HDAC9: variants seen among roughly 807,000 people sequenced by gnomAD.
HDAC9 encodes histone deacetylase 9.
Under a neutral mutation model 139.4 loss-of-function variants are expected in HDAC9, and 41 were observed. The observed-to-expected ratio is 0.29, with a 90% CI of 0.23 to 0.38. The LOEUF (loss-of-function observed/expected upper bound fraction) is 0.38. HDAC9 is among the 10% of genes least tolerant of loss of function. The pLI is 1.00. For synonymous variants in HDAC9, 517 were observed against 476.2 expected, an observed-to-expected ratio of 1.09 and a Z score of -1.12; for missense variants, 1,147 against 1,297.0, an observed-to-expected ratio of 0.88 and a Z score of 1.78.
At position 18,846,994 on chromosome 7, in the gene HDAC9, C is replaced by T. The variant is rs189649510; in HGVS notation, c.2684+10997C>T. Among the ~76,000 whole-genome samples the T allele has an allele frequency of 1.2e-3, 181 of 152,232 alleles. 1 individual carries two copies. The highest frequency in any genetic ancestry group is 1.2e-3 in the South Asian group (6 of 4,818). On this transcript the variant is annotated intron_variant, in intron 21 of 25. Coordinates refer to ENST00000686413, the MANE Select transcript of HDAC9 (RefSeq NM_178425.4). ...ATTCAAACCAGAACTGAGCTAGGCC[C>T]GTTTCTCAGTGACTTTGATATTGTT...
chr7:18,178,492 G>A (rs879378768), intron 2 of HDAC9, among the ~76,000 whole-genome samples: 9 of 152,188 alleles, frequency 5.9e-5, no homozygotes, highest in Non-Finnish European at 8.8e-5. Flanking sequence ...TAAATGTGGG[G>A]AAGTTGCTAA....
At chr7:18,726,772 C>T (rs1363482050) in intron 12 of HDAC9, among the ~76,000 whole-genome samples, 3 of 150,884 alleles carry the variant, frequency 2.0e-5, no homozygotes, top group African/African-American at 7.3e-5. Flanking sequence ...GAAATACATA[C>T]CTTTTTTTGC....
At chr7:18,496,562 A>G in intron 2 of HDAC9, 1 of 515,070 alleles carries the variant, frequency 1.9e-6, no homozygotes, top group Non-Finnish European at 3.4e-6. Flanking sequence ...GCTTCTGATG[A>G]AAGATGAGAC....
At chr7:18,098,691 C>G (rs901639078) in intron 1 of HDAC9, among the ~76,000 whole-genome samples, 1 of 152,168 alleles carries the variant, frequency 6.6e-6, no homozygotes, top group Non-Finnish European at 1.5e-5. Flanking sequence ...ACCTTTCCCT[C>G]ATTACCCCAA....
chr7:18,415,867 T>C (rs897023338), intron 1 of HDAC9, among the ~76,000 whole-genome samples: 4 of 152,222 alleles, frequency 2.6e-5, no homozygotes, highest in Admixed American at 1.3e-4. Flanking sequence ...CTCTTTTTTT[T>C]AGTTATAGGG....
chr7:18,485,796 G>A lies in HDAC9; in HGVS notation c.-41-10466G>A, dbSNP rs73060394. Among the ~76,000 whole-genome samples, 1,233 of 152,126 alleles carry A rather than the reference G, an allele frequency of 8.1e-3. 15 individuals are homozygous for A. Among genetic ancestry groups the A allele is most frequent in the Non-Finnish European group, 0.015 (1,006 of 68,002 alleles). On this transcript the variant is annotated intron_variant, in intron 1 of 3. Transcript: ENST00000413509. ...TTGTGACTCAGAAAGGCTAAGTAAC[G>A]TATCCAAGTTGTACAGTCCTGCATA... is the stretch of plus-strand genomic sequence containing the variant.
At chr7:18,217,956 G>A (rs1219248118) in intron 2 of HDAC9, among the ~76,000 whole-genome samples, 1 of 152,128 alleles carries the variant, frequency 6.6e-6, no homozygotes, top group African/African-American at 2.4e-5. Context: ...TTATCTGAAG[G>A]CTTGAATGGG....
intron 12 of HDAC9, among the ~76,000 whole-genome samples, chr7:18,721,011 A>G (rs1185257041): frequency 2.0e-5 from 3 of 151,230 alleles, no homozygotes. Flanking sequence ...TTATTTTTAC[A>G]TTTTCTCTCT....
At chr7:18,928,178 A>C (rs1336245848) in intron 22 of HDAC9, among the ~76,000 whole-genome samples, 1 of 152,220 alleles carries the variant, frequency 6.6e-6, no homozygotes, top group Non-Finnish European at 1.5e-5. Context: ...TGTTCAACCT[A>C]CTACAGCATT....
At chr7:18,303,180 A>G (rs995344189) in intron 1 of HDAC9, among the ~76,000 whole-genome samples, 11 of 152,144 alleles carry the variant, frequency 7.2e-5, no homozygotes, top group South Asian at 2.1e-4. Flanking sequence ...GCATAAAGCT[A>G]TTAAGTTTTC....
intron 1 of HDAC9, among the ~76,000 whole-genome samples, chr7:18,149,201 T>A (rs1403247796): frequency 6.6e-6 from 1 of 152,142 alleles, no homozygotes; most frequent in Admixed American, 6.5e-5. Flanking sequence ...CTTTTTTATT[T>A]ATTGCCTGCT....
intron 8 of HDAC9, among the ~76,000 whole-genome samples, chr7:18,641,348 C>T (rs941678410): frequency 7.9e-5 from 12 of 152,050 alleles, no homozygotes; most frequent in Non-Finnish European, 1.6e-4. Context: ...TATCTCATGT[C>T]CCAACATAAT....
intron 1 of HDAC9, among the ~76,000 whole-genome samples, chr7:18,153,761 C>T (rs10271810): frequency 0.13 from 20,268 of 152,170 alleles, 2,186 homozygotes; most frequent in African/African-American, 0.3. Flanking sequence ...AGAATCAGTG[C>T]CAATGTGGGT....
chr7:18,460,367 CAAT>C (rs1178176654), intron 1 of HDAC9, among the ~76,000 whole-genome samples: 2 of 151,954 alleles, frequency 1.3e-5, no homozygotes, highest in African/African-American at 4.8e-5. Flanking sequence ...GCAGAATAAA[CAAT>C]ATTTTTTTCA....
intron 2 of HDAC9, among the ~76,000 whole-genome samples, chr7:18,205,282 A>G (rs1228817940): frequency 6.6e-6 from 1 of 151,986 alleles, no homozygotes; most frequent in East Asian, 1.9e-4. Flanking sequence ...ATTTCAAATT[A>G]GATATAAAAA....
intron 2 of HDAC9, among the ~76,000 whole-genome samples, chr7:18,251,540 CA>C (rs907934586): frequency 7.2e-5 from 11 of 151,778 alleles, no homozygotes; most frequent in Admixed American, 2.0e-4. Flanking sequence ...GAAAAAAATA[CA>C]AAAAAAATTC....
In HDAC9 at chr7:18,552,782, T is replaced by C. The variant is rs995754513; in HGVS notation, c.23-32499T>C. On this transcript the variant is annotated intron_variant, in intron 2 of 25. Coordinates refer to ENST00000686413, the MANE Select transcript of HDAC9 (RefSeq NM_178425.4). ...TCTCTGAGATGTGGTCTAGAAGCAA[T>C]TGTTCAGAGAGAAATTCAACACTGA... 4.6e-5 allele frequency among the ~76,000 whole-genome samples: 7 copies of C among 152,316 alleles called. No homozygotes were observed. In the East Asian group the frequency reaches 1.4e-3, roughly 29 times the overall value.
intron 12 of HDAC9, among the ~76,000 whole-genome samples, chr7:18,706,226 C>T (rs1011844427): frequency 7.5e-6 from 1 of 132,536 alleles, no homozygotes; most frequent in Non-Finnish European, 1.6e-5. Flanking sequence ...CACAGCAAAC[C>T]TAAACATTTC....
chr7:18,739,155 A>G (rs1207101802), intron 13 of HDAC9, among the ~76,000 whole-genome samples: 1 of 152,100 alleles, frequency 6.6e-6, no homozygotes, highest in Non-Finnish European at 1.5e-5. Flanking sequence ...CTAGTTAGCC[A>G]TTCATCTAAT....
Sources: gnomAD v4.1 joint callset for allele counts (sites outside exome capture counted in the v4.1 genomes callset) on GRCh38, gnomAD v4.1.1 for gene constraint, MANE v1.5 for transcripts, NCBI Gene and HGNC (gene_info 2026-07-23, HGNC 2026-07-21) for gene names.